Variants in PIP5K1A observed in about 807,000 individuals in gnomAD.
The protein encoded by PIP5K1A is phosphatidylinositol-4-phosphate 5-kinase type 1 alpha.
PIP5K1A carries 46 observed loss-of-function variants against 72.9 expected under a neutral mutation model. That is an observed-to-expected ratio of 0.63 (90% confidence interval 0.50 to 0.81). The LOEUF (loss-of-function observed/expected upper bound fraction) is 0.81, where lower values mean the gene tolerates loss of function less well. Among genes scored for constraint, PIP5K1A ranks in the 30% least tolerant of loss-of-function variants. The pLI, the probability that PIP5K1A is intolerant of heterozygous loss-of-function variation, is 0.00. For missense variants in PIP5K1A, 458 were observed against 706.1 expected (o/e 0.65, Z 3.98); for synonymous variants, 228 against 255.1 (o/e 0.89, Z 1.01).
intron 1 of PIP5K1A, among the ~76,000 whole-genome samples, chr1:151,208,361 CTTTTTTTTTT>C (rs11340275): frequency 1.6e-5 from 2 of 125,988 alleles, no homozygotes; most frequent in Non-Finnish European, 3.4e-5. Flanking sequence ...GTTTTCTTTT[CTTTTTTTTTT>C]TTTTTTGGAG....
intron 3 of PIP5K1A, among the ~76,000 whole-genome samples, chr1:151,225,197 C>T (rs1340613578): frequency 6.6e-6 from 1 of 152,014 alleles, no homozygotes; most frequent in Non-Finnish European, 1.5e-5. Context: ...TAGCCAGGTG[C>T]ACACCATAGT....
In PIP5K1A at chr1:151,242,225, G is replaced by C. The variant is rs1358672146; in HGVS notation, c.1466G>C (p.Gly489Ala). The change falls in exon 13 of 16, where the codon GGG becomes GCG. Residue 489 changes from glycine (G) to alanine (A), a missense_variant. This residue lies in a region of PIP5K1A where 157 missense variants were observed against 175.5 expected (regional missense o/e 0.89). Coordinates refer to ENST00000368888, the MANE Select transcript of PIP5K1A (RefSeq NM_001135638.2). Reference protein sequence around the residue: ...SCITYQPSVSGEHKAQVTTKA... With the variant: ...SCITYQPSVSAEHKAQVTTKA... ...ATTACTTACCAGCCATCGGTCTCTG[G>C]GGAACACAAGGCACAAGTGACAACA... is the stretch of plus-strand genomic sequence containing the variant. The C allele has an allele frequency of 1.9e-6, 3 of 1,614,068 alleles. No homozygotes were observed. Among genetic ancestry groups the C allele is most frequent in the Admixed American group, 1.7e-5 (1 of 60,018 alleles).
intron 15 of PIP5K1A, among the ~76,000 whole-genome samples, chr1:151,247,449 G>A (rs888898195): frequency 2.0e-5 from 3 of 151,680 alleles, no homozygotes; most frequent in Non-Finnish European, 4.4e-5. Flanking sequence ...TTTTTGAGAC[G>A]GAGTCTTGCT....
chr1:151,216,241 C>T (rs984516660), intron 1 of PIP5K1A, among the ~76,000 whole-genome samples: 6 of 151,130 alleles, frequency 4.0e-5, no homozygotes, highest in South Asian at 2.1e-4. Flanking sequence ...CCCAGCTACT[C>T]GGGAGGCTGA....
At chr1:151,239,836 T>A in intron 11 of PIP5K1A, 119 bp from the exon 12 acceptor site, 1 of 732,236 alleles carries the variant, frequency 1.4e-6, no homozygotes, top group African/African-American at 1.8e-5. Flanking sequence ...CCCCTTCCGT[T>A]TATTTCATCT....
intron 1 of PIP5K1A, among the ~76,000 whole-genome samples, chr1:151,208,719 CTTTTTTTTTTTTTTTTTT>C (rs61545057): frequency 1.2e-4 from 5 of 43,122 alleles, no homozygotes; most frequent in South Asian, 1.1e-3. Flanking sequence ...TAATGGTACG[CTTTTTTTTTTTTTTTTTT>C]TTTTTTTTTT....
intron 10 of PIP5K1A, 72 bp downstream of exon 10, chr1:151,238,337 G>C: frequency 9.9e-7 from 1 of 1,012,912 alleles, no homozygotes; most frequent in Non-Finnish European, 1.6e-6. Flanking sequence ...CTTTTAGATA[G>C]GTTTGTTACC....
At chr1:151,244,642 C>T (rs587604119) in intron 14 of PIP5K1A, among the ~76,000 whole-genome samples, 7 of 151,990 alleles carry the variant, frequency 4.6e-5, no homozygotes, top group Admixed American at 3.9e-4. Flanking sequence ...GGTGACAGAG[C>T]GAGACCCTGT....
chr1:151,219,586 C>T (rs1034133612), intron 1 of PIP5K1A, among the ~76,000 whole-genome samples: 2 of 151,576 alleles, frequency 1.3e-5, no homozygotes, highest in Admixed American at 6.6e-5. Flanking sequence ...CCCAGCTACT[C>T]GGGAGGCTGA....
intron 1 of PIP5K1A, among the ~76,000 whole-genome samples, chr1:151,217,097 G>C (rs1186200277): frequency 6.6e-6 from 1 of 152,010 alleles, no homozygotes; most frequent in Non-Finnish European, 1.5e-5. Flanking sequence ...ATTTTTAGTA[G>C]AGACAGGGTT....
chr1:151,231,852 A>C, intron 5 of PIP5K1A, 51 bp downstream of exon 5: 1 of 1,592,968 alleles, frequency 6.3e-7, no homozygotes, highest in Non-Finnish European at 8.6e-7. Flanking sequence ...GCCTTTTCAA[A>C]TCAGCCCAGG....
rs587615760 is a variant in PIP5K1A, at chr1:151,204,067, A to G, written c.85+4986A>G. Among the ~76,000 whole-genome samples, 99 of 152,284 alleles carry G rather than the reference A, an allele frequency of 6.5e-4. No homozygotes were observed. The Middle Eastern group carries it at 0.01, about 16-fold the overall frequency. On this transcript the variant is annotated intron_variant, in intron 1 of 15. Coordinates refer to ENST00000368888, the MANE Select transcript of PIP5K1A (RefSeq NM_001135638.2). Reference sequence around the variant, plus strand: ...CATTTTTGCTTGGGACTTTTATAGTAGGGACAGCTTCATCAGTCTGTGATT... The same window carrying G: ...CATTTTTGCTTGGGACTTTTATAGTGGGGACAGCTTCATCAGTCTGTGATT...
intron 15 of PIP5K1A, among the ~76,000 whole-genome samples, chr1:151,247,526 C>T (rs587769321): frequency 9.0e-4 from 137 of 152,088 alleles, no homozygotes; most frequent in African/African-American, 3.2e-3. Flanking sequence ...CCCAGGTTCA[C>T]GCCATTCTGC....
At chr1:151,199,143 GACCTAAGAGGGT>G (rs919560390) in intron 1 of PIP5K1A, 62 bp downstream of exon 1, 2 of 1,611,130 alleles carry the variant, frequency 1.2e-6, no homozygotes, top group African/African-American at 2.7e-5. Flanking sequence ...GGAAGAGCGA[GACCTAAGAGGGT>G]ACCTGTAGCT....
intron 1 of PIP5K1A, among the ~76,000 whole-genome samples, chr1:151,203,783 C>T (rs1685543939): frequency 6.8e-6 from 1 of 148,124 alleles, no homozygotes; most frequent in Non-Finnish European, 1.5e-5. Context: ...GAGATCACGC[C>T]ACTGTACTCC....
chr1:151,236,864 G>GGCTGATGT (rs1039678601), intron 9 of PIP5K1A, 101 bp downstream of exon 9: 69 of 784,044 alleles, frequency 8.8e-5, no homozygotes, highest in Admixed American at 4.0e-4. Context: ...TTGTTGCCCA[G>GGCTGATGT]GCTGATGTGC....
intron 7 of PIP5K1A, among the ~76,000 whole-genome samples, chr1:151,232,969 G>A (rs981519302): frequency 3.3e-5 from 5 of 151,826 alleles, no homozygotes; most frequent in East Asian, 2.0e-4. Flanking sequence ...GCGTGGTAGC[G>A]GGCGCCTGTA....
chr1:151,221,656 G>T (rs1170599745), intron 1 of PIP5K1A, among the ~76,000 whole-genome samples: 1 of 152,196 alleles, frequency 6.6e-6, no homozygotes, highest in Admixed American at 6.6e-5. Flanking sequence ...TAAATCATGG[G>T]TATGGATTAC....
intron 7 of PIP5K1A, 21 bp from the exon 8 acceptor site, chr1:151,234,176 T>C: frequency 6.4e-7 from 1 of 1,565,090 alleles, no homozygotes; most frequent in Non-Finnish European, 8.7e-7. Flanking sequence ...CTCCTACTTC[T>C]GTTTCCTTTT....
Sources: allele counts gnomAD v4.1 joint callset (sites outside exome capture counted in the v4.1 genomes callset), GRCh38; gene constraint gnomAD v4.1.1; regional missense constraint gnomAD v4.1.1; transcripts MANE v1.5; gene names NCBI Gene and HGNC (gene_info 2026-07-23, HGNC 2026-07-21).